The following ORC2 variants were observed in gnomAD, a reference collection of about 807,000 sequenced individuals.
ORC2 encodes the protein origin recognition complex protein 2 homolog.
A neutral mutation model predicts 77.7 loss-of-function variants in ORC2; 37 were observed. The observed-to-expected ratio is 0.48, with a 90% CI of 0.37 to 0.63. The LOEUF is 0.63. Ranked by LOEUF, ORC2 falls within the 20% of genes least tolerant of loss-of-function variation. ORC2 has a pLI of 0.00. For synonymous variants in ORC2, 201 were observed against 229.5 expected, an observed-to-expected ratio of 0.88 and a Z score of 1.12; for missense variants, 557 against 661.9, an observed-to-expected ratio of 0.84 and a Z score of 1.74.
intron 15 of ORC2, among the ~76,000 whole-genome samples, chr2:200,918,920 G>A (rs1476754662): frequency 6.6e-6 from 1 of 152,130 alleles, no homozygotes; most frequent in Non-Finnish European, 1.5e-5. Context: ...ACCCAGGCTG[G>A]AGTGCAGTGG....
At chr2:200,932,982 T>G (rs1457839794) in intron 10 of ORC2, among the ~76,000 whole-genome samples, 2 of 152,212 alleles carry the variant, frequency 1.3e-5, no homozygotes, top group Non-Finnish European at 2.9e-5. Flanking sequence ...TCTCCCTCAC[T>G]GACAGGTGTT....
intron 15 of ORC2, among the ~76,000 whole-genome samples, chr2:200,914,657 T>C (rs1227073815): frequency 6.6e-6 from 1 of 152,230 alleles, no homozygotes; most frequent in East Asian, 1.9e-4. Flanking sequence ...TATGCGCCTA[T>C]GGTCTCAGCT....
chr2:200,928,426 G>C (rs2040880536), intron 11 of ORC2, among the ~76,000 whole-genome samples: 1 of 152,036 alleles, frequency 6.6e-6, no homozygotes, highest in Admixed American at 6.6e-5. Flanking sequence ...TGTATACCAA[G>C]CTTCTAGTTC....
At chr2:200,913,523 G>A (rs2040587573) in intron 16 of ORC2, 110 bp from the exon 17 acceptor site, 3 of 1,405,824 alleles carry the variant, frequency 2.1e-6, no homozygotes, top group South Asian at 1.5e-5. Flanking sequence ...TGTTATCCCA[G>A]AGCAGTGAAC....
chr2:200,958,786 A>G (rs1275865652), intron 2 of ORC2, among the ~76,000 whole-genome samples: 1 of 152,246 alleles, frequency 6.6e-6, no homozygotes, highest in Non-Finnish European at 1.5e-5. Context: ...GAGTTTGGCA[A>G]GCAAAAGTTT....
intron 13 of ORC2, chr2:200,921,615 G>C (rs1470367269): frequency 6.6e-6 from 1 of 152,156 alleles, no homozygotes. Context: ...ACTGAAGTCA[G>C]GCCCTACAGA....
chr2:200,924,317 A>G (rs948695716), intron 13 of ORC2, among the ~76,000 whole-genome samples: 16 of 152,086 alleles, frequency 1.1e-4, no homozygotes, highest in Admixed American at 7.2e-4. Context: ...ACTGGACTCC[A>G]GCCTGGGTGA....
rs189948295 is a variant in ORC2, at chr2:200,933,500, G to A, written c.807+376C>T. Among the ~76,000 whole-genome samples, 6 of 152,256 alleles carry A rather than the reference G, an allele frequency of 3.9e-5. No homozygotes were observed. The East Asian group carries it at 1.2e-3, about 29-fold the overall frequency. On this transcript the variant is annotated intron_variant, in intron 10 of 17. Coordinates refer to ENST00000234296, the MANE Select transcript of ORC2 (RefSeq NM_006190.5). ...GACCCTGATGATTATCATAGATCCTGAAGAAATAATAAACGAGTAAGAGGG... is the reference window on the plus strand; with the variant it reads ...GACCCTGATGATTATCATAGATCCTAAAGAAATAATAAACGAGTAAGAGGG...
chr2:200,939,196 A>C (rs2041103060), intron 7 of ORC2, among the ~76,000 whole-genome samples: 1 of 152,190 alleles, frequency 6.6e-6, no homozygotes, highest in African/African-American at 2.4e-5. Flanking sequence ...ACTAAAAAAA[A>C]TTATAAAACA....
At chr2:200,955,305 C>T (rs1467675767) in intron 4 of ORC2, among the ~76,000 whole-genome samples, 3 of 152,158 alleles carry the variant, frequency 2.0e-5, no homozygotes, top group African/African-American at 4.8e-5. Flanking sequence ...GCTGTGGACA[C>T]ATAGGAGACC....
chr2:200,947,720 C>T (rs1242195017), intron 5 of ORC2, among the ~76,000 whole-genome samples: 1 of 152,050 alleles, frequency 6.6e-6, no homozygotes, highest in East Asian at 1.9e-4. Context: ...GATCGAAATA[C>T]AGTGCCATCT....
chr2:200,920,250 C>T lies in ORC2; in HGVS notation c.1438G>A (p.Val480Ile), dbSNP rs1310774426. The T allele has an allele frequency of 6.2e-7, 1 of 1,613,162 alleles. No homozygotes were observed. Among genetic ancestry groups the T allele is most frequent in the African/African-American group, 1.3e-5 (1 of 74,858 alleles). Residue 480 changes from valine to isoleucine, a missense_variant, in exon 15 of 18, where the codon GTC (valine) becomes ATC (isoleucine). Val to Ile is a conservative substitution (Grantham distance 29). Coordinates refer to ENST00000234296, the MANE Select transcript of ORC2 (RefSeq NM_006190.5). The part of the protein sequence containing the change: ...GSLPLSSLTH[V>I]LRSLTPNARG... ...GCATTAGGGGTAAGGCTTCGTAAGA[C>T]ATGAGTAAGGGAGCTAAGTGGCAGG...
intron 15 of ORC2, among the ~76,000 whole-genome samples, chr2:200,919,390 G>T (rs912594366): frequency 6.6e-6 from 1 of 152,152 alleles, no homozygotes; most frequent in Non-Finnish European, 1.5e-5. Context: ...GACAGAGATT[G>T]CTCTGTCACG....
At chr2:200,952,100 C>T (rs567633058) in intron 4 of ORC2, among the ~76,000 whole-genome samples, 2 of 152,120 alleles carry the variant, frequency 1.3e-5, no homozygotes, top group South Asian at 4.1e-4. Flanking sequence ...CTGACCAGTT[C>T]ATCACTAGCC....
intron 5 of ORC2, among the ~76,000 whole-genome samples, chr2:200,948,193 G>A (rs1312032932): frequency 6.6e-6 from 1 of 151,848 alleles, no homozygotes; most frequent in East Asian, 1.9e-4. Context: ...GATTACAGGC[G>A]TGAGCCACTG....
rs192721192 is a variant in ORC2 at position 200,941,686 on chromosome 2, A to G, written c.422-407T>C. On this transcript the variant is annotated intron_variant, in intron 6 of 17. Transcript: ENST00000234296. Reference sequence around the variant, plus strand: ...AAAAACGGAGCCCTTTTAAATTTTGATTATTGAAAAGTACAACTGTCCAGG... The same window carrying G: ...AAAAACGGAGCCCTTTTAAATTTTGGTTATTGAAAAGTACAACTGTCCAGG... Among the ~76,000 whole-genome samples the G allele has an allele frequency of 1.1e-3, 165 of 151,586 alleles. 7 individuals are homozygous for G. Among genetic ancestry groups the G allele is most frequent in the Admixed American group, 3.0e-3 (46 of 15,226 alleles).
intron 15 of ORC2, among the ~76,000 whole-genome samples, chr2:200,916,321 A>G (rs2040649498): frequency 1.3e-5 from 2 of 152,016 alleles, no homozygotes; most frequent in South Asian, 2.1e-4. Context: ...CATCTCTACT[A>G]AAAATACAAA....
intron 4 of ORC2, among the ~76,000 whole-genome samples, chr2:200,953,525 T>C (rs910614350): frequency 2.0e-5 from 3 of 152,004 alleles, no homozygotes; most frequent in Non-Finnish European, 2.9e-5. Flanking sequence ...GCAAAAAGTA[T>C]GGTGGTTCCT....
chr2:200,932,584 C>A (rs1006656799), intron 10 of ORC2, among the ~76,000 whole-genome samples: 1 of 152,102 alleles, frequency 6.6e-6, no homozygotes, highest in Non-Finnish European at 1.5e-5. Flanking sequence ...GTGATCCTCC[C>A]GCCTTGGCCT....
Sources: allele counts gnomAD v4.1 joint callset (sites outside exome capture counted in the v4.1 genomes callset), GRCh38; gene constraint gnomAD v4.1.1; transcripts MANE v1.5; gene names NCBI Gene and HGNC (gene_info 2026-07-23, HGNC 2026-07-21).